The following MCHR2 variants were observed in gnomAD, a reference collection of about 807,000 sequenced individuals.
MCHR2 encodes melanin concentrating hormone receptor 2.
In MCHR2, 15 loss-of-function variants were observed where a neutral mutation model predicts 24.8. That is an observed-to-expected ratio of 0.60 (90% CI 0.40 to 0.93). The LOEUF (loss-of-function observed/expected upper bound fraction) is 0.93. MCHR2 is among the 40% of genes least tolerant of loss of function. The pLI is 0.00. For missense variants in MCHR2, 386 were observed against 408.7 expected (o/e 0.94, Z 0.48); for synonymous variants, 151 against 147.6 (o/e 1.02, Z -0.17).
In MCHR2 at chr6:99,975,994, A is replaced by G. The variant is rs569257773; in HGVS notation, c.-28+17942T>C. Among the ~76,000 whole-genome samples the G allele has an allele frequency of 8.5e-5, 13 of 152,344 alleles. No individual in the cohort carries two copies. The South Asian group carries it at 1.9e-3, about 22-fold the overall frequency. ...TCTCACAGTTTGAGGGTGGGTATGCAGACAGTCAGGAGCAGGTGCAGGGTT... is the reference window on the plus strand; with the variant it reads ...TCTCACAGTTTGAGGGTGGGTATGCGGACAGTCAGGAGCAGGTGCAGGGTT... On this transcript the variant is annotated intron_variant, in intron 1 of 5. Coordinates refer to ENST00000281806, the MANE Select transcript of MCHR2 (RefSeq NM_001040179.2).
intron 1 of MCHR2, among the ~76,000 whole-genome samples, chr6:99,968,616 T>C (rs1166405313): frequency 6.6e-6 from 1 of 152,150 alleles, no homozygotes; most frequent in African/African-American, 2.4e-5. Flanking sequence ...ATTTTTTTTT[T>C]TACTATCAAC....
At chr6:99,938,419 T>C (rs1774708609) in intron 4 of MCHR2, among the ~76,000 whole-genome samples, 2 of 152,106 alleles carry the variant, frequency 1.3e-5, no homozygotes, top group African/African-American at 4.8e-5. Context: ...GTTTCAAAAA[T>C]GTTTAAATTT....
chr6:99,985,880 C>T (rs1456795885), intron 1 of MCHR2, among the ~76,000 whole-genome samples: 1 of 152,048 alleles, frequency 6.6e-6, no homozygotes, highest in Non-Finnish European at 1.5e-5. Flanking sequence ...ACAGAGTAAA[C>T]AGACAACCTA....
intron 1 of MCHR2, among the ~76,000 whole-genome samples, chr6:99,987,793 C>T (rs35717906): frequency 0.025 from 3,787 of 152,200 alleles, 69 homozygotes; most frequent in Non-Finnish European, 0.036. Context: ...GAAGTCACTT[C>T]ATTAGCACCC....
intron 1 of MCHR2, among the ~76,000 whole-genome samples, chr6:99,968,281 T>A (rs11963028): frequency 6.6e-6 from 1 of 152,158 alleles, no homozygotes; most frequent in African/African-American, 2.4e-5. Context: ...TTTTGAAACA[T>A]AGCACCAGCT....
At chr6:99,966,616 A>G (rs1562129697) in intron 1 of MCHR2, among the ~76,000 whole-genome samples, 1 of 152,218 alleles carries the variant, frequency 6.6e-6, no homozygotes, top group Non-Finnish European at 1.5e-5. Flanking sequence ...TTCAGCAAGT[A>G]CCATATTCTT....
At chr6:99,970,776 A>G (rs1007372675) in intron 1 of MCHR2, among the ~76,000 whole-genome samples, 3 of 152,216 alleles carry the variant, frequency 2.0e-5, no homozygotes, top group African/African-American at 4.8e-5. Context: ...AGCTTTCTAC[A>G]TATGGCTAGC....
At chr6:99,958,322 CA>C (rs1413893375) in intron 1 of MCHR2, among the ~76,000 whole-genome samples, 22 of 151,930 alleles carry the variant, frequency 1.4e-4, no homozygotes, top group Admixed American at 1.0e-3. Context: ...ATATATTATA[CA>C]TACACATATA....
chr6:99,941,295 T>A (rs1774765944), intron 4 of MCHR2, among the ~76,000 whole-genome samples: 1 of 145,630 alleles, frequency 6.9e-6, no homozygotes, highest in South Asian at 2.5e-4. Flanking sequence ...CATCCACATA[T>A]TTGAGTTCTG....
chr6:99,972,103 T>C (rs1475858803), intron 1 of MCHR2, among the ~76,000 whole-genome samples: 1 of 152,262 alleles, frequency 6.6e-6, no homozygotes, highest in Admixed American at 6.5e-5. Context: ...ATTCCCTCTT[T>C]TTCTATTGAT....
At chr6:99,988,224 C>A (rs1775803763) in intron 1 of MCHR2, among the ~76,000 whole-genome samples, 1 of 152,168 alleles carries the variant, frequency 6.6e-6, no homozygotes, top group Non-Finnish European at 1.5e-5. Context: ...GTGGTACTTT[C>A]AAGATTGCTT....
At chr6:99,974,832 G>C (rs1448223880) in intron 1 of MCHR2, among the ~76,000 whole-genome samples, 1 of 152,224 alleles carries the variant, frequency 6.6e-6, no homozygotes, top group Non-Finnish European at 1.5e-5. Flanking sequence ...TCCAGATGCT[G>C]TTTGCCTGGG....
rs1010155751 is a variant in MCHR2 at position 99,920,887 on chromosome 6, A to G, written c.*53T>C. ...ATCGGTACACCTGCCCTTTCTGATA[A>G]TACCAGTAAGATAGACAATCATGTC... On this transcript the variant is annotated 3_prime_UTR_variant, in exon 6 of 6. Coordinates refer to ENST00000281806, the MANE Select transcript of MCHR2 (RefSeq NM_001040179.2). The G allele has an allele frequency of 1.7e-5, 26 of 1,549,270 alleles. No individual in the cohort carries two copies. The highest frequency in any genetic ancestry group is 2.3e-5 in the Non-Finnish European group (26 of 1,134,594).
intron 3 of MCHR2, among the ~76,000 whole-genome samples, chr6:99,944,574 C>G (rs576654514): frequency 4.6e-5 from 7 of 152,218 alleles, no homozygotes; most frequent in African/African-American, 1.7e-4. Context: ...CTGGCCAGGG[C>G]TCCTCAGCTA....
chr6:99,964,623 T>G (rs1582397605), intron 1 of MCHR2, among the ~76,000 whole-genome samples: 1 of 152,080 alleles, frequency 6.6e-6, no homozygotes, highest in East Asian at 1.9e-4. Context: ...TGGGGGAAAC[T>G]GCCCCCATGA....
chr6:99,929,068 T>C (rs1464414337), intron 5 of MCHR2, among the ~76,000 whole-genome samples: 18 of 152,216 alleles, frequency 1.2e-4, no homozygotes, highest in Non-Finnish European at 2.5e-4. Context: ...AAAGAACATC[T>C]TTATTTCTGC....
rs1033342079 is a variant in MCHR2, at chr6:99,942,038, A to G, written c.587+911T>C. On this transcript the variant is annotated intron_variant, in intron 4 of 5. Coordinates refer to ENST00000281806, the MANE Select transcript of MCHR2 (RefSeq NM_001040179.2). ...GTTATTGGTCATTGGTAGTTGCTCA[A>G]ATAATTTAATCATGAACTCCAATTC... Among the ~76,000 whole-genome samples the G allele has an allele frequency of 8.5e-5, 13 of 152,300 alleles. 1 individual carries two copies. The East Asian group carries it at 2.1e-3, about 25-fold the overall frequency.
At chr6:99,965,529 A>G (rs1775280736) in intron 1 of MCHR2, among the ~76,000 whole-genome samples, 1 of 152,176 alleles carries the variant, frequency 6.6e-6, no homozygotes, top group African/African-American at 2.4e-5. Context: ...AAAAAGTCAA[A>G]ATGATTAATT....
rs146986242 is a variant in MCHR2 at position 99,955,122 on chromosome 6, G to A, written c.182+844C>T. On this transcript the variant is annotated intron_variant, in intron 2 of 5. Coordinates refer to ENST00000281806, the MANE Select transcript of MCHR2 (RefSeq NM_001040179.2). ...AAAATGGCAATTTTAAGTATAATCAGAAACTAGGATGAAAAATTTAACATC... is the reference window on the plus strand; with the variant it reads ...AAAATGGCAATTTTAAGTATAATCAAAAACTAGGATGAAAAATTTAACATC... Among the ~76,000 whole-genome samples the A allele has an allele frequency of 5.3e-3, 801 of 152,212 alleles. 7 individuals are homozygous for A. Among genetic ancestry groups the A allele is most frequent in the African/African-American group, 0.019 (774 of 41,538 alleles).
Sources: gnomAD v4.1 joint callset for allele counts (sites outside exome capture counted in the v4.1 genomes callset) on GRCh38, gnomAD v4.1.1 for gene constraint, MANE v1.5 for transcripts, NCBI Gene and HGNC (gene_info 2026-07-23, HGNC 2026-07-21) for gene names.